LINGO2: variants seen among roughly 807,000 people sequenced by gnomAD.
LINGO2 encodes leucine-rich repeat and immunoglobulin-like domain-containing nogo receptor-interacting protein 2.
A neutral mutation model predicts 30.6 loss-of-function variants in LINGO2; 14 were observed. The ratio of observed to expected loss-of-function variants is 0.46; its 90% CI spans 0.30 to 0.72. The LOEUF (loss-of-function observed/expected upper bound fraction) is 0.72. Among genes scored for constraint, LINGO2 ranks in the 30% least tolerant of loss-of-function variants. LINGO2 has a pLI of 0.07. For missense variants in LINGO2, 729 were observed against 751.7 expected (o/e 0.97, Z 0.35); for synonymous variants, 317 against 288.5 (o/e 1.10, Z -1.00).
chr9:28,714,194 C>CATATATAT, the LINGO2 span, among the ~76,000 whole-genome samples: 373 of 86,720 alleles, frequency 4.3e-3, 8 homozygotes, highest in African/African-American at 0.022. Context: ...TATATACACA[C>CATATATAT]ATACACACAC....
intron 4 of LINGO2, among the ~76,000 whole-genome samples, chr9:28,212,621 G>A (rs1820631288): frequency 6.6e-6 from 1 of 151,290 alleles, no homozygotes; most frequent in African/African-American, 2.4e-5. Context: ...TGTAAAGTAT[G>A]CATCCATATA....
At chr9:28,165,455 A>G (rs1828399583) in intron 4 of LINGO2, among the ~76,000 whole-genome samples, 1 of 152,170 alleles carries the variant, frequency 6.6e-6, no homozygotes, top group Non-Finnish European at 1.5e-5. Flanking sequence ...AAAGATGCCT[A>G]GTTTTCTTTG....
chr9:28,359,707 G>A (rs1300111628), intron 3 of LINGO2, among the ~76,000 whole-genome samples: 1 of 152,152 alleles, frequency 6.6e-6, no homozygotes, highest in African/African-American at 2.4e-5. Flanking sequence ...AAAAGACACA[G>A]TTACATACCC....
intron 4 of LINGO2, among the ~76,000 whole-genome samples, chr9:28,022,314 T>C (rs1315156616): frequency 6.6e-6 from 1 of 152,074 alleles, no homozygotes; most frequent in African/African-American, 2.4e-5. Flanking sequence ...AATCACTCAA[T>C]ACATCATTGC....
the LINGO2 span, chr9:27,940,014 C>A: frequency 2.0e-5 from 3 of 152,116 alleles, no homozygotes; most frequent in African/African-American, 7.2e-5. Flanking sequence ...TTTGTAGAGA[C>A]TCTCCTTGGG....
chr9:29,149,202 T>C, the LINGO2 span, among the ~76,000 whole-genome samples: 1 of 152,276 alleles, frequency 6.6e-6, no homozygotes, highest in Admixed American at 6.5e-5. Flanking sequence ...TAGTTTATTT[T>C]AATATTTCTT....
rs77455947 is a variant in LINGO2, at chr9:28,394,476, C to T, written c.-278-21608G>A. On this transcript the variant is annotated intron_variant, in intron 2 of 5. Transcript: ENST00000379992. ...CCCTTCCAGCCTCCCTCTTTTCTCT[C>T]CTGCCTCCCTCATTTTCTTGCTTTC... is the stretch of plus-strand genomic sequence containing the variant. 4.3e-3 allele frequency among the ~76,000 whole-genome samples: 662 copies of T among 152,264 alleles called. 5 individuals are homozygous for T. The highest frequency in any genetic ancestry group is 0.015 in the African/African-American group (638 of 41,546).
chr9:28,745,521 C>T, the LINGO2 span, among the ~76,000 whole-genome samples: 1 of 151,938 alleles, frequency 6.6e-6, no homozygotes, highest in Non-Finnish European at 1.5e-5. Flanking sequence ...GCAGTTTGTT[C>T]TTAGGAAAAT....
chr9:28,856,814 T>C, the LINGO2 span, among the ~76,000 whole-genome samples: 1 of 151,980 alleles, frequency 6.6e-6, no homozygotes. Context: ...TAGAAGGGTA[T>C]TGCAGTAATC....
chr9:28,540,105 A>C (rs1198463468), intron 1 of LINGO2, among the ~76,000 whole-genome samples: 1 of 152,158 alleles, frequency 6.6e-6, no homozygotes, highest in Non-Finnish European at 1.5e-5. Context: ...CTGAAAAAAC[A>C]GTTTGATAAG....
intron 1 of LINGO2, among the ~76,000 whole-genome samples, chr9:28,538,181 G>C (rs1821515799): frequency 1.3e-5 from 2 of 151,676 alleles, no homozygotes; most frequent in African/African-American, 4.8e-5. Flanking sequence ...AGTACTTCAA[G>C]GGAATATAAT....
chr9:28,556,945 T>C (rs1021205606), intron 1 of LINGO2, among the ~76,000 whole-genome samples: 3 of 152,108 alleles, frequency 2.0e-5, no homozygotes, highest in African/African-American at 2.4e-5. Flanking sequence ...GCTAGCCATA[T>C]GTAGAAAGCT....
At chr9:29,020,131 A>C in the LINGO2 span, among the ~76,000 whole-genome samples, 1 of 152,208 alleles carries the variant, frequency 6.6e-6, no homozygotes, top group Non-Finnish European at 1.5e-5. Context: ...TGAATGTTTA[A>C]GGTAAAACAC....
chr9:27,961,962 G>A lies in LINGO2; in HGVS notation c.-35-11256C>T, dbSNP rs1819869828. The stretch of plus-strand genomic sequence containing the variant: ...GATGGAGAATTTAAAGCAGCATGAG[G>A]AATTCCTGGTTTCCTCAAATGTGTC... On this transcript the variant is annotated intron_variant, in intron 5 of 5. Coordinates refer to ENST00000379992, the Ensembl canonical transcript of LINGO2. Among the ~76,000 whole-genome samples the A allele has an allele frequency of 1.3e-5, 2 of 152,090 alleles. 1 individual carries two copies. The highest frequency in any genetic ancestry group is 4.1e-4 in the South Asian group (2 of 4,826).
the LINGO2 span, among the ~76,000 whole-genome samples, chr9:28,728,994 T>C: frequency 6.6e-6 from 1 of 152,102 alleles, no homozygotes; most frequent in Non-Finnish European, 1.5e-5. Flanking sequence ...CCAAAATAAG[T>C]TATTCTTTAA....
chr9:28,442,139 T>C (rs896598291), intron 2 of LINGO2, among the ~76,000 whole-genome samples: 3 of 152,172 alleles, frequency 2.0e-5, no homozygotes, highest in Non-Finnish European at 4.4e-5. Context: ...TTGTTCAGTT[T>C]TGCAAATTAT....
chr9:28,540,385 C>CA (rs1821634325), intron 1 of LINGO2, among the ~76,000 whole-genome samples: 1 of 151,850 alleles, frequency 6.6e-6, no homozygotes, highest in Non-Finnish European at 1.5e-5. Context: ...CTCAGCCTCC[C>CA]AAGTAGCTGG....
the LINGO2 span, among the ~76,000 whole-genome samples, chr9:28,977,221 C>T: frequency 6.6e-6 from 1 of 151,988 alleles, no homozygotes; most frequent in Admixed American, 6.6e-5. Flanking sequence ...ATAATGAAAG[C>T]CATGTAATAC....
intron 3 of LINGO2, among the ~76,000 whole-genome samples, chr9:28,317,732 A>G (rs1393554154): frequency 1.3e-5 from 2 of 152,178 alleles, no homozygotes; most frequent in Non-Finnish European, 2.9e-5. Flanking sequence ...AGTAAAAATG[A>G]AATATTATAT....
Sources: gnomAD v4.1 joint callset for allele counts (sites outside exome capture counted in the v4.1 genomes callset) on GRCh38, gnomAD v4.1.1 for gene constraint, MANE v1.5 for transcripts, NCBI Gene and HGNC (gene_info 2026-07-23, HGNC 2026-07-21) for gene names.